HOMER2: variants seen among roughly 807,000 people sequenced by gnomAD.
The protein encoded by HOMER2 is homer scaffold protein 2.
In HOMER2, 27 loss-of-function variants were observed where a neutral mutation model predicts 47.0. That is an observed-to-expected ratio of 0.57 (90% CI 0.42 to 0.79). The LOEUF is 0.79. HOMER2 is among the 30% of genes least tolerant of loss of function. HOMER2 has a pLI of 0.00. For missense variants in HOMER2, 443 were observed against 435.0 expected, an observed-to-expected ratio of 1.02 and a Z score of -0.16; for synonymous variants, 161 against 163.8, an observed-to-expected ratio of 0.98 and a Z score of 0.13.
intron 3 of HOMER2, among the ~76,000 whole-genome samples, chr15:82,867,361 TA>T (rs2052006294): frequency 2.2e-5 from 2 of 90,832 alleles, no homozygotes; most frequent in Non-Finnish European, 4.6e-5. Context: ...CTTTTGAATA[TA>T]AAAGGAAAAA....
chr15:82,851,200 A>G lies in HOMER2; in HGVS notation c.794T>C (p.Ile265Thr). The G allele has an allele frequency of 6.4e-7, 1 of 1,569,714 alleles. No homozygotes were observed. Among genetic ancestry groups the G allele is most frequent in the African/African-American group, 1.3e-5 (1 of 74,252 alleles). ...ELKDLRKQSE[I>T]IPQLMSECEY... ...GCACTCTGACATGAGCTGAGGTATGATTTCACTTTGTTTTCGGAGATCTTT... is the reference window on the plus strand; with the variant it reads ...GCACTCTGACATGAGCTGAGGTATGGTTTCACTTTGTTTTCGGAGATCTTT... Residue 265 changes from isoleucine to threonine, a missense_variant, in exon 8 of 9, where the codon ATC becomes ACC. By Grantham distance (89) the Ile-to-Thr change is moderately conservative (BLOSUM62 -1). Coordinates refer to ENST00000450735, the MANE Select transcript of HOMER2 (RefSeq NM_004839.4).
At chr15:82,976,840 C>A (rs2030223690) in intron 1 of HOMER2, among the ~76,000 whole-genome samples, 1 of 151,516 alleles carries the variant, frequency 6.6e-6, no homozygotes, top group Non-Finnish European at 1.5e-5. Flanking sequence ...CCATGCCTGG[C>A]TGATTTTGTA....
intron 3 of HOMER2, among the ~76,000 whole-genome samples, chr15:82,868,542 T>TATATATA (rs370867216): frequency 0.034 from 1,451 of 42,696 alleles, 42 homozygotes; most frequent in South Asian, 0.047. Context: ...TATATATATA[T>TATATATA]TTTTTTTTTT....
chr15:82,942,955 T>C (rs1282736596), intron 1 of HOMER2, among the ~76,000 whole-genome samples: 1 of 152,132 alleles, frequency 6.6e-6, no homozygotes, highest in African/African-American at 2.4e-5. Flanking sequence ...CTGGGTCGTC[T>C]GGAAGGCAGC....
chr15:82,961,823 G>A (rs958552940), intron 1 of HOMER2, among the ~76,000 whole-genome samples: 7 of 152,110 alleles, frequency 4.6e-5, no homozygotes, highest in African/African-American at 1.7e-4. Flanking sequence ...GAGTGCAGAG[G>A]CGTGATCTTG....
intron 4 of HOMER2, among the ~76,000 whole-genome samples, chr15:82,859,686 C>CT (rs1374957105): frequency 6.6e-6 from 1 of 152,218 alleles, no homozygotes; most frequent in Non-Finnish European, 1.5e-5. Flanking sequence ...TCCCTTACTA[C>CT]TTAGTGCTGT....
chr15:82,893,550 C>A (rs1365170707), intron 1 of HOMER2, among the ~76,000 whole-genome samples: 1 of 151,334 alleles, frequency 6.6e-6, no homozygotes, highest in Admixed American at 6.6e-5. Flanking sequence ...CCGGGCTGGT[C>A]TCGAACTCCT....
intron 1 of HOMER2, among the ~76,000 whole-genome samples, chr15:82,912,769 G>T (rs2053484679): frequency 6.6e-6 from 1 of 152,126 alleles, no homozygotes; most frequent in Non-Finnish European, 1.5e-5. Flanking sequence ...CTGTCTTTTT[G>T]ATATAGCCAT....
intron 5 of HOMER2, among the ~76,000 whole-genome samples, chr15:82,856,533 C>A (rs572406655): frequency 5.3e-5 from 8 of 152,140 alleles, no homozygotes; most frequent in Non-Finnish European, 1.0e-4. Flanking sequence ...GCGGGGGGAT[C>A]AGTCGAGCCC....
At chr15:82,946,443 T>C (rs2054383961) in intron 1 of HOMER2, among the ~76,000 whole-genome samples, 3 of 152,196 alleles carry the variant, frequency 2.0e-5, no homozygotes, top group Admixed American at 2.0e-4. Flanking sequence ...ACTAGCTTCC[T>C]TACTATTTCT....
intron 5 of HOMER2, among the ~76,000 whole-genome samples, chr15:82,858,145 T>C (rs1225874079): frequency 6.6e-6 from 1 of 152,236 alleles, no homozygotes; most frequent in Non-Finnish European, 1.5e-5. Context: ...ATGTAGTTTA[T>C]GGTTCTAGTT....
At chr15:82,835,989 G>A (rs540730995), downstream of HOMER2, 1 of 152,244 alleles carries the variant, frequency 6.6e-6, no homozygotes, top group African/African-American at 2.4e-5. Context: ...ATACCAGCGA[G>A]CTTAATCAGG....
At chr15:82,845,537 T>TA (rs2051231437), downstream of HOMER2, 1 of 152,166 alleles carries the variant, frequency 6.6e-6, no homozygotes, top group African/African-American at 2.4e-5. Context: ...TGCATATCTT[T>TA]AAAAATATAC....
chr15:82,969,322 C>T (rs1441931063), intron 1 of HOMER2, among the ~76,000 whole-genome samples: 1 of 152,188 alleles, frequency 6.6e-6, no homozygotes, highest in African/African-American at 2.4e-5. Context: ...AAGATGCTTA[C>T]CTAACCTCCC....
Position 82,882,893 on chromosome 15 carries a change from T to C in HOMER2, c.163-7489A>G, listed in dbSNP as rs1286914745. Among the ~76,000 whole-genome samples the C allele has an allele frequency of 1.1e-4, 3 of 27,462 alleles. 1 individual carries two copies. Among genetic ancestry groups the C allele is most frequent in the African/African-American group, 5.0e-4 (3 of 5,956 alleles). The allele number at this position is 27,462 out of a possible 152,430, so 18.0% of individuals were successfully genotyped here. A position where few individuals can be genotyped will look rare whatever the true frequency, so the allele number is the denominator to read the frequency against. On this transcript the variant is annotated intron_variant, in intron 2 of 8. Coordinates refer to ENST00000450735, the MANE Select transcript of HOMER2 (RefSeq NM_004839.4). ...ACACCAGCCACTGCTTTTTTTTTTT[T>C]TTTTTTTTTTTTTATTATACTCTAA...
At chr15:82,928,890 A>C (rs1307649237) in intron 1 of HOMER2, among the ~76,000 whole-genome samples, 7 of 148,248 alleles carry the variant, frequency 4.7e-5, no homozygotes, top group African/African-American at 1.5e-4. Flanking sequence ...CAGCCAGGAG[A>C]GCCCCATCTA....
At chr15:82,870,765 T>C (rs911635066) in intron 3 of HOMER2, among the ~76,000 whole-genome samples, 2 of 152,178 alleles carry the variant, frequency 1.3e-5, no homozygotes, top group South Asian at 2.1e-4. Flanking sequence ...GGGGACAAAT[T>C]TGAATTACAG....
chr15:82,962,288 C>T (rs1202569048), intron 1 of HOMER2, among the ~76,000 whole-genome samples: 1 of 149,882 alleles, frequency 6.7e-6, no homozygotes, highest in African/African-American at 2.5e-5. Context: ...TGGCTCGAAC[C>T]TGGGAGGTGG....
chr15:82,983,027 A>C (rs1487369667), intron 1 of HOMER2, among the ~76,000 whole-genome samples: 3 of 152,224 alleles, frequency 2.0e-5, no homozygotes, highest in Non-Finnish European at 4.4e-5. Context: ...AAACATCATT[A>C]AGTCAAAAAT....
Sources: allele counts gnomAD v4.1 joint callset (sites outside exome capture counted in the v4.1 genomes callset), GRCh38; gene constraint gnomAD v4.1.1; transcripts MANE v1.5; gene names NCBI Gene and HGNC (gene_info 2026-07-23, HGNC 2026-07-21).